The following SMIM36 variants were observed in gnomAD, a reference collection of about 807,000 sequenced individuals.
The protein encoded by SMIM36 is small integral membrane protein 36.
intron 1 of SMIM36, among the ~76,000 whole-genome samples, chr17:55,494,322 G>C (rs565488650): frequency 1.3e-5 from 2 of 151,242 alleles, no homozygotes; most frequent in Non-Finnish European, 2.9e-5. Flanking sequence ...TTTCCTTTGT[G>C]TATTAAAAAA....
At chr17:55,451,166 T>G (rs1188730163) in intron 4 of SMIM36, among the ~76,000 whole-genome samples, 1 of 152,224 alleles carries the variant, frequency 6.6e-6, no homozygotes, top group Non-Finnish European at 1.5e-5. Context: ...ATTACAGGTG[T>G]GAGCCACTGT....
intron 1 of SMIM36, among the ~76,000 whole-genome samples, chr17:55,486,837 T>C (rs1909616455): frequency 6.6e-6 from 1 of 152,136 alleles, no homozygotes; most frequent in African/African-American, 2.4e-5. Flanking sequence ...ATAACTAATA[T>C]CAGCTCCCTC....
the SMIM36 span, among the ~76,000 whole-genome samples, chr17:55,530,569 G>T: frequency 1.3e-5 from 2 of 152,204 alleles, no homozygotes; most frequent in South Asian, 4.1e-4. Flanking sequence ...CGGATCAAAA[G>T]GTCAGGAGTT....
At chr17:55,450,586 C>T (rs896979958) in intron 4 of SMIM36, among the ~76,000 whole-genome samples, 6 of 152,180 alleles carry the variant, frequency 3.9e-5, no homozygotes, top group Admixed American at 3.9e-4. Flanking sequence ...AGTGAAGCGA[C>T]TTGCCCACAT....
chr17:55,471,449 C>T, intron 3 of SMIM36, among the ~76,000 whole-genome samples: 1 of 152,234 alleles, frequency 6.6e-6, no homozygotes, highest in South Asian at 2.1e-4. Flanking sequence ...TATAATCCTC[C>T]ATCAACATAC....
upstream of SMIM36, among the ~76,000 whole-genome samples, chr17:55,511,599 A>G (rs1437599372): frequency 2.6e-5 from 4 of 152,190 alleles, no homozygotes; most frequent in African/African-American, 7.2e-5. Context: ...AGAGAGAGAG[A>G]TGGCTCATGA....
intron 3 of SMIM36, among the ~76,000 whole-genome samples, chr17:55,477,605 C>A (rs978270233): frequency 5.3e-5 from 8 of 152,098 alleles, no homozygotes; most frequent in Non-Finnish European, 1.2e-4. Context: ...CTCAACATAT[C>A]TTTTTAGGGA....
intron 1 of SMIM36, among the ~76,000 whole-genome samples, chr17:55,482,902 A>T (rs1431089501): frequency 6.6e-6 from 1 of 152,254 alleles, no homozygotes; most frequent in Non-Finnish European, 1.5e-5. Context: ...GAACATTGTA[A>T]TGCAGCATTA....
At chr17:55,501,480 A>C (rs1456506647) in intron 1 of SMIM36, among the ~76,000 whole-genome samples, 2 of 95,406 alleles carry the variant, frequency 2.1e-5, no homozygotes, top group Non-Finnish European at 3.8e-5. Context: ...TTTTATAATT[A>C]TTATATATAA....
At chr17:55,474,618 T>A (rs1332168224) in intron 3 of SMIM36, among the ~76,000 whole-genome samples, 1 of 152,222 alleles carries the variant, frequency 6.6e-6, no homozygotes, top group Non-Finnish European at 1.5e-5. Context: ...GATTGCTTGA[T>A]ACTTTGGTTT....
chr17:55,492,782 C>G (rs1349835872), intron 1 of SMIM36, among the ~76,000 whole-genome samples: 1 of 152,146 alleles, frequency 6.6e-6, no homozygotes, highest in East Asian at 1.9e-4. Context: ...CCCTGAAGAT[C>G]CAACACATCT....
chr17:55,487,486 A>G (rs1909627915), intron 1 of SMIM36, among the ~76,000 whole-genome samples: 1 of 152,230 alleles, frequency 6.6e-6, no homozygotes, highest in Non-Finnish European at 1.5e-5. Flanking sequence ...AAGGAGGCAC[A>G]TCGGCTGATC....
At chr17:55,459,919 G>A (rs1456807765) in intron 4 of SMIM36, among the ~76,000 whole-genome samples, 1 of 152,038 alleles carries the variant, frequency 6.6e-6, no homozygotes, top group Non-Finnish European at 1.5e-5. Flanking sequence ...ATTGTGCCTA[G>A]GGGTTGGTGG....
At chr17:55,485,408 C>T (rs571016378) in intron 1 of SMIM36, among the ~76,000 whole-genome samples, 11 of 151,926 alleles carry the variant, frequency 7.2e-5, no homozygotes, top group Non-Finnish European at 1.5e-4. Flanking sequence ...ACCTCAGCCT[C>T]CTAAGTAGCT....
chr17:55,526,953 G>T, the SMIM36 span: 1 of 152,148 alleles, frequency 6.6e-6, no homozygotes, highest in East Asian at 1.9e-4. Context: ...CTCAGCTGTT[G>T]GCTCTCAGCA....
chr17:55,527,814 A>G, the SMIM36 span: 1 of 152,238 alleles, frequency 6.6e-6, no homozygotes, highest in African/African-American at 2.4e-5. Flanking sequence ...GAAGAGAACT[A>G]TCAACTTAGG....
At chr17:55,530,417 C>G in the SMIM36 span, among the ~76,000 whole-genome samples, 13 of 152,174 alleles carry the variant, frequency 8.5e-5, no homozygotes, top group Admixed American at 8.5e-4. Context: ...CAGAAGGTTT[C>G]CCTTTTAGCA....
At chr17:55,490,390 A>G (rs1166878276) in intron 1 of SMIM36, among the ~76,000 whole-genome samples, 2 of 152,134 alleles carry the variant, frequency 1.3e-5, no homozygotes, top group Admixed American at 6.5e-5. Flanking sequence ...TAGCTTTGAC[A>G]TCTCATGAAT....
chr17:55,510,826 G>A, intron 1 of SMIM36, 53 bp downstream of exon 1: 1 of 318,078 alleles, frequency 3.1e-6, no homozygotes, highest in East Asian at 4.9e-5. Flanking sequence ...CTACAGCATT[G>A]CTGACAGTTT....
Sources: allele counts gnomAD v4.1 joint callset (sites outside exome capture counted in the v4.1 genomes callset), GRCh38; gene constraint gnomAD v4.1.1; transcripts MANE v1.5; gene names NCBI Gene and HGNC (gene_info 2026-07-23, HGNC 2026-07-21).